The following FBXO11 variants were observed in gnomAD, a reference collection of about 807,000 sequenced individuals.
FBXO11 encodes F-box only protein 11.
A neutral mutation model predicts 117.0 loss-of-function variants in FBXO11; 13 were observed. The observed-to-expected ratio is 0.11, with a 90% CI of 0.07 to 0.18. The LOEUF (loss-of-function observed/expected upper bound fraction) is 0.18, where lower values mean the gene tolerates loss of function less well. Ranked by LOEUF, FBXO11 falls within the 10% of genes least tolerant of loss-of-function variation. The pLI is 1.00. For missense variants in FBXO11, 767 were observed against 1,164.4 expected (o/e 0.66, Z 4.97); for synonymous variants, 490 against 380.5 (o/e 1.29, Z -3.35).
At chr2:47,833,649 T>C (rs900432344) in intron 7 of FBXO11, among the ~76,000 whole-genome samples, 14 of 152,352 alleles carry the variant, frequency 9.2e-5, no homozygotes, top group African/African-American at 3.1e-4. Flanking sequence ...TTGACAGATA[T>C]TACATTTATT....
At chr2:47,850,787 A>G (rs1379153809) in intron 1 of FBXO11, among the ~76,000 whole-genome samples, 1 of 152,204 alleles carries the variant, frequency 6.6e-6, no homozygotes, top group Non-Finnish European at 1.5e-5. Flanking sequence ...CCTGTTATGT[A>G]TCACGTTCTG....
intron 1 of FBXO11, among the ~76,000 whole-genome samples, chr2:47,840,810 GTCAA>G (rs1672957824): frequency 7.0e-6 from 1 of 142,346 alleles, no homozygotes; most frequent in Non-Finnish European, 1.5e-5. Context: ...AAATCAGTCA[GTCAA>G]TCCATCCATC....
At chr2:47,856,553 G>C (rs1438695757) in intron 1 of FBXO11, among the ~76,000 whole-genome samples, 1 of 152,162 alleles carries the variant, frequency 6.6e-6, no homozygotes, top group African/African-American at 2.4e-5. Flanking sequence ...GGACATAAAA[G>C]GCTGTAAGTG....
At chr2:47,890,094 G>A (rs938219864) in intron 1 of FBXO11, among the ~76,000 whole-genome samples, 3 of 152,062 alleles carry the variant, frequency 2.0e-5, no homozygotes, top group African/African-American at 7.2e-5. Flanking sequence ...AGGACTACAG[G>A]TACATGCCAC....
intron 1 of FBXO11, among the ~76,000 whole-genome samples, chr2:47,857,934 C>T (rs1019120858): frequency 6.7e-6 from 1 of 148,328 alleles, no homozygotes; most frequent in Non-Finnish European, 1.5e-5. Context: ...TTTATATGGG[C>T]AAATATATAT....
chr2:47,840,268 G>C (rs1044402274), intron 1 of FBXO11, among the ~76,000 whole-genome samples: 2 of 151,992 alleles, frequency 1.3e-5, no homozygotes, highest in Non-Finnish European at 2.9e-5. Flanking sequence ...TTAAAAAAAG[G>C]TGAGGAGGAT....
rs552799189 is a variant in FBXO11, at chr2:47,870,798, A to G, written c.233-31029T>C. On this transcript the variant is annotated intron_variant, in intron 1 of 22. Coordinates refer to ENST00000403359, the MANE Select transcript of FBXO11 (RefSeq NM_001190274.2). ...ATTTTACTTATCTACATTCAGACTG[A>G]TATGTGGAACACACAGGCTGTCACC... is the stretch of plus-strand genomic sequence containing the variant. Among the ~76,000 whole-genome samples the G allele has an allele frequency of 1.2e-3, 189 of 152,324 alleles. 1 individual carries two copies. Among genetic ancestry groups the G allele is most frequent in the African/African-American group, 4.3e-3 (180 of 41,564 alleles).
At chr2:47,891,492 C>A (rs1272310517) in intron 1 of FBXO11, among the ~76,000 whole-genome samples, 2 of 152,144 alleles carry the variant, frequency 1.3e-5, no homozygotes, top group Non-Finnish European at 2.9e-5. Flanking sequence ...CATGTATACA[C>A]CACATTTTCT....
chr2:47,895,282 A>C (rs936675018), intron 1 of FBXO11, among the ~76,000 whole-genome samples: 5 of 152,256 alleles, frequency 3.3e-5, no homozygotes, highest in African/African-American at 1.2e-4. Context: ...GATAAACTGT[A>C]GTATATTCAT....
At chr2:47,838,789 C>G (rs1279429160) in intron 4 of FBXO11, 70 bp downstream of exon 4, 1 of 1,475,602 alleles carries the variant, frequency 6.8e-7, no homozygotes, top group African/African-American at 1.4e-5. Flanking sequence ...CACCGACTTT[C>G]CTACCATGTT....
chr2:47,884,557 C>T (rs1676672006), intron 1 of FBXO11, among the ~76,000 whole-genome samples: 2 of 152,128 alleles, frequency 1.3e-5, no homozygotes, highest in African/African-American at 4.8e-5. Flanking sequence ...AGAGAAGATG[C>T]AGATTTATGC....
chr2:47,881,280 G>C (rs1676412134), intron 1 of FBXO11, among the ~76,000 whole-genome samples: 1 of 152,020 alleles, frequency 6.6e-6, no homozygotes, highest in Non-Finnish European at 1.5e-5. Flanking sequence ...AGAAAGGTAT[G>C]TCTGGTCTTA....
At chr2:47,861,142 G>A (rs1674740982) in intron 1 of FBXO11, among the ~76,000 whole-genome samples, 1 of 152,072 alleles carries the variant, frequency 6.6e-6, no homozygotes, top group African/African-American at 2.4e-5. Context: ...GAACCACCAC[G>A]CCTGGCCTTC....
At chr2:47,892,424 CCAG>C (rs1353541452) in intron 1 of FBXO11, among the ~76,000 whole-genome samples, 1 of 152,216 alleles carries the variant, frequency 6.6e-6, no homozygotes, top group African/African-American at 2.4e-5. Flanking sequence ...CCCCCTAAAA[CCAG>C]GGACTTAACT....
intron 12 of FBXO11, among the ~76,000 whole-genome samples, chr2:47,822,912 CATA>C (rs1446337595): frequency 6.6e-6 from 1 of 152,064 alleles, no homozygotes; most frequent in Non-Finnish European, 1.5e-5. Flanking sequence ...TGCAATTTTT[CATA>C]ATATCACATA....
At chr2:47,858,354 A>G (rs1460202534) in intron 1 of FBXO11, among the ~76,000 whole-genome samples, 2 of 152,034 alleles carry the variant, frequency 1.3e-5, no homozygotes, top group East Asian at 1.9e-4. Flanking sequence ...ACTGATGTCA[A>G]TAACAATGTT....
intron 16 of FBXO11, among the ~76,000 whole-genome samples, chr2:47,815,161 G>C (rs1028527382): frequency 2.6e-5 from 4 of 151,798 alleles, no homozygotes; most frequent in Admixed American, 2.6e-4. Context: ...TTTTTGTCCT[G>C]GCCATAAAAA....
intron 1 of FBXO11, among the ~76,000 whole-genome samples, chr2:47,893,893 G>A (rs1289674551): frequency 6.6e-6 from 1 of 152,170 alleles, no homozygotes; most frequent in Non-Finnish European, 1.5e-5. Context: ...GCTATGTGTT[G>A]AAAAAAGAAA....
intron 4 of FBXO11, among the ~76,000 whole-genome samples, chr2:47,838,400 A>G (rs1364687153): frequency 6.6e-6 from 1 of 152,130 alleles, no homozygotes; most frequent in African/African-American, 2.4e-5. Context: ...AAATCTGTAC[A>G]TAAAGCAAAA....
Sources: gnomAD v4.1 joint callset for allele counts (sites outside exome capture counted in the v4.1 genomes callset) on GRCh38, gnomAD v4.1.1 for gene constraint, MANE v1.5 for transcripts, NCBI Gene and HGNC (gene_info 2026-07-23, HGNC 2026-07-21) for gene names.